The following TMC1 variants were observed in gnomAD, a reference collection of about 807,000 sequenced individuals.
TMC1 encodes transmembrane channel like 1, also known as transmembrane channel-like protein 1.
In TMC1, 84 loss-of-function variants were observed where a neutral mutation model predicts 105.8. The ratio of observed to expected loss-of-function variants is 0.79; its 90% CI spans 0.67 to 0.95. The LOEUF is 0.95. Among genes scored for constraint, TMC1 ranks in the 40% least tolerant of loss-of-function variants. TMC1 has a pLI of 0.00. For synonymous variants in TMC1, 315 were observed against 311.5 expected (o/e 1.01, Z -0.12); for missense variants, 817 against 914.1 (o/e 0.89, Z 1.37).
chr9:72,523,346 C>A (rs145361481), intron 1 of TMC1, among the ~76,000 whole-genome samples: 3 of 152,036 alleles, frequency 2.0e-5, no homozygotes, highest in Non-Finnish European at 4.4e-5. Flanking sequence ...CCGACCCTTG[C>A]GTAGTCAAAA....
At chr9:72,753,286 C>CTTTTTTTTTTTTTTTTTT (rs5898269) in intron 11 of TMC1, among the ~76,000 whole-genome samples, 4 of 81,826 alleles carry the variant, frequency 4.9e-5, no homozygotes, top group African/African-American at 1.1e-4. Context: ...TTAACCCCAG[C>CTTTTTTTTTTTTTTTTTT]TTTTTTTTTT....
chr9:72,624,081 C>T (rs544293643), intron 3 of TMC1, among the ~76,000 whole-genome samples: 132 of 152,262 alleles, frequency 8.7e-4, no homozygotes, highest in African/African-American at 2.9e-3. Context: ...TAGCTACCCT[C>T]CCTGAGGAAC....
At chr9:72,798,483 T>C (rs1828412088) in intron 17 of TMC1, among the ~76,000 whole-genome samples, 1 of 152,072 alleles carries the variant, frequency 6.6e-6, no homozygotes, top group African/African-American at 2.4e-5. Flanking sequence ...ACAGATTGGA[T>C]AGGGAAAATG....
intron 18 of TMC1, among the ~76,000 whole-genome samples, chr9:72,813,894 C>T (rs1337194910): frequency 6.6e-6 from 1 of 152,144 alleles, no homozygotes; most frequent in Non-Finnish European, 1.5e-5. Context: ...CCAGTATGGC[C>T]ACCCTGTATC....
chr9:72,555,405 T>C (rs1414316284), intron 1 of TMC1, among the ~76,000 whole-genome samples: 2 of 151,940 alleles, frequency 1.3e-5, no homozygotes. Flanking sequence ...GCCAGGATGG[T>C]CTTGATCTCT....
At chr9:72,524,135 A>G (rs1010928138) in intron 1 of TMC1, among the ~76,000 whole-genome samples, 1 of 152,202 alleles carries the variant, frequency 6.6e-6, no homozygotes, top group Non-Finnish European at 1.5e-5. Context: ...CTAGCCTGAA[A>G]TCAGTTGAGC....
intron 1 of TMC1, among the ~76,000 whole-genome samples, chr9:72,546,876 T>A (rs1391417207): frequency 6.6e-6 from 1 of 152,210 alleles, no homozygotes; most frequent in Non-Finnish European, 1.5e-5. Flanking sequence ...TTGGTACTCA[T>A]TTCTTAAACT....
In TMC1 at chr9:72,654,445, G is replaced by A. The variant is rs200831284; in HGVS notation, c.16+5781G>A. 3.5e-4 allele frequency among the ~76,000 whole-genome samples: 53 copies of A among 152,066 alleles called. No individual in the cohort carries two copies. The East Asian group carries it at 8.3e-3, about 24-fold the overall frequency. ...ATTCTCTTTTCTTCCTTTAGAGTAA[G>A]TATTTTTTATTTTATTCCATTTTCA... is the stretch of plus-strand genomic sequence containing the variant. On this transcript the variant is annotated intron_variant, in intron 5 of 23. Coordinates refer to ENST00000297784, the MANE Select transcript of TMC1 (RefSeq NM_138691.3).
chr9:72,682,311 A>C (rs1227359784), intron 5 of TMC1, among the ~76,000 whole-genome samples: 1 of 152,150 alleles, frequency 6.6e-6, no homozygotes, highest in African/African-American at 2.4e-5. Flanking sequence ...GTCTCATTAA[A>C]TCTTATCCCC....
intron 18 of TMC1, among the ~76,000 whole-genome samples, chr9:72,806,714 G>A (rs898445638): frequency 3.8e-4 from 58 of 150,854 alleles, no homozygotes; most frequent in African/African-American, 1.3e-3. Flanking sequence ...ATGGTGGCCG[G>A]GAAGAGGTGC....
intron 12 of TMC1, among the ~76,000 whole-genome samples, chr9:72,763,832 G>C (rs953568787): frequency 2.0e-5 from 3 of 152,032 alleles, no homozygotes; most frequent in Admixed American, 6.6e-5. Context: ...GTGGGGGGTA[G>C]GTGGGTAGTA....
rs141858568 is a variant in TMC1 at position 72,688,783 on chromosome 9, A to T, written c.64+27A>T. 9.2e-4 allele frequency: 1,462 copies of T among 1,588,970 alleles called. 3 individuals are homozygous for T. The highest frequency in any genetic ancestry group is 2.0e-3 in the Middle Eastern group (12 of 6,014). ...TAAGTGGTGATGGGCCACTTGGGAT[A>T]CATTTCCTATGGAATACCAGTAAAC... On this transcript the variant is annotated intron_variant, in intron 6 of 23. Coordinates refer to ENST00000297784, the MANE Select transcript of TMC1 (RefSeq NM_138691.3).
intron 1 of TMC1, among the ~76,000 whole-genome samples, chr9:72,558,253 A>G (rs915823312): frequency 4.6e-5 from 7 of 152,216 alleles, no homozygotes; most frequent in Non-Finnish European, 8.8e-5. Flanking sequence ...ACACTTTTAC[A>G]TAAACAAAAT....
intron 8 of TMC1, among the ~76,000 whole-genome samples, chr9:72,737,740 G>A (rs1379586647): frequency 6.6e-6 from 1 of 152,220 alleles, no homozygotes; most frequent in African/African-American, 2.4e-5. Context: ...TTAATGCTTA[G>A]ACAGGATGTG....
Position 72,542,666 on chromosome 9 carries a change from C to T in TMC1, c.-428+20753C>T, listed in dbSNP as rs1823698425. 2.0e-5 allele frequency among the ~76,000 whole-genome samples: 3 copies of T among 151,972 alleles called. No individual in the cohort carries two copies. The South Asian group carries it at 6.2e-4, about 32-fold the overall frequency. ...CATTGAGCAAGTCATCTTTACTGTTCAGGCCTCAGCTTTCTTCCTTTGTTT... is the reference window on the plus strand; with the variant it reads ...CATTGAGCAAGTCATCTTTACTGTTTAGGCCTCAGCTTTCTTCCTTTGTTT... On this transcript the variant is annotated intron_variant, in intron 1 of 23. Coordinates refer to ENST00000297784, the MANE Select transcript of TMC1 (RefSeq NM_138691.3).
intron 4 of TMC1, among the ~76,000 whole-genome samples, chr9:72,637,621 C>A (rs1046757422): frequency 3.3e-5 from 5 of 152,042 alleles, no homozygotes; most frequent in Non-Finnish European, 7.4e-5. Context: ...TCCCAGAGAC[C>A]ACAAAGACAA....
chr9:72,681,216 A>G (rs1312296343), intron 5 of TMC1, among the ~76,000 whole-genome samples: 1 of 152,146 alleles, frequency 6.6e-6, no homozygotes, highest in Non-Finnish European at 1.5e-5. Context: ...GGTAATTGCA[A>G]TGTGAAAGCA....
intron 12 of TMC1, among the ~76,000 whole-genome samples, chr9:72,770,753 G>A (rs1827912753): frequency 1.3e-5 from 2 of 152,254 alleles, no homozygotes; most frequent in East Asian, 3.9e-4. Flanking sequence ...GTCTGAATCT[G>A]AAGGCCTGAG....
chr9:72,677,021 A>G (rs1270283242), intron 5 of TMC1, among the ~76,000 whole-genome samples: 1 of 151,920 alleles, frequency 6.6e-6, no homozygotes, highest in African/African-American at 2.4e-5. Flanking sequence ...GGAATTTACT[A>G]AATAATTATA....
Sources: gnomAD v4.1 joint callset for allele counts (sites outside exome capture counted in the v4.1 genomes callset) on GRCh38, gnomAD v4.1.1 for gene constraint, MANE v1.5 for transcripts, NCBI Gene and HGNC (gene_info 2026-07-23, HGNC 2026-07-21) for gene names.